DCAF10: variants seen among roughly 807,000 people sequenced by gnomAD.
DCAF10 encodes DDB1- and CUL4-associated factor 10.
Under a neutral mutation model 51.9 loss-of-function variants are expected in DCAF10, and 19 were observed. The observed-to-expected ratio is 0.37, with a 90% CI of 0.26 to 0.54. The LOEUF is 0.54. DCAF10 is among the 20% of genes least tolerant of loss of function. The pLI, the probability that DCAF10 is intolerant of heterozygous loss-of-function variation, is 0.87. For synonymous variants in DCAF10, 291 were observed against 297.1 expected (o/e 0.98, Z 0.21); for missense variants, 510 against 730.6 (o/e 0.70, Z 3.48).
chr9:37,815,769 T>C (rs1438817406), intron 1 of DCAF10, among the ~76,000 whole-genome samples: 1 of 152,220 alleles, frequency 6.6e-6, no homozygotes, highest in Non-Finnish European at 1.5e-5. Flanking sequence ...AAAAATCAGT[T>C]ACATTTCTGT....
intron 2 of DCAF10, among the ~76,000 whole-genome samples, chr9:37,821,408 G>A (rs1403738199): frequency 6.6e-6 from 1 of 152,178 alleles, no homozygotes; most frequent in Non-Finnish European, 1.5e-5. Context: ...ACAAGAAGAA[G>A]TCAATGTAGT....
At chr9:37,843,030 G>GT (rs1830378832) in intron 3 of DCAF10, among the ~76,000 whole-genome samples, 1 of 152,120 alleles carries the variant, frequency 6.6e-6, no homozygotes, top group South Asian at 2.1e-4. Flanking sequence ...TTTTGTTGTT[G>GT]TTTTTGAGAC....
Position 37,801,231 on chromosome 9 carries a change from G to C in DCAF10, c.365G>C (p.Arg122Thr). 9 of 1,576,086 alleles carry C rather than the reference G, an allele frequency of 5.7e-6. No individual in the cohort carries two copies. The highest frequency in any genetic ancestry group is 6.9e-6 in the Non-Finnish European group (8 of 1,164,032). ...GCGGGCCTGGGCGGCCCTGGCGCTA[G>C]GCTGTTCGGGTGGCTGAAAGAGCGC... ...LGAGLGGPGA[R>T]LFGWLKERSL... is the part of the protein sequence containing the mutation. Residue 122 changes from arginine (R) to threonine (T), a missense_variant, in exon 1 of 7, where the codon AGG becomes ACG. Transcript: ENST00000377724. This position sits in a 1 kb window ranked among gnomAD's most constrained non-coding sequence, Gnocchi z 5.5.
rs970240544 is a variant in DCAF10, at chr9:37,863,969, C to A, written c.*2461C>A. 2 of 152,120 alleles carry A rather than the reference C, an allele frequency of 1.3e-5. No homozygotes were observed. Among genetic ancestry groups the A allele is most frequent in the South Asian group, 2.1e-4 (1 of 4,824 alleles). The allele number at this position is 152,120 out of a possible 1,614,324, so 9.4% of individuals were successfully genotyped here. A position where few individuals can be genotyped will look rare whatever the true frequency, so the allele number is the denominator to read the frequency against. On this transcript the variant is annotated 3_prime_UTR_variant, in exon 7 of 7. Transcript: ENST00000377724. ...ACAGTAAATACATATACTTACCATA[C>A]ATTTTGTAAAAAACACATTTTTTAA...
At chr9:37,826,353 A>G (rs1462182891) in intron 2 of DCAF10, among the ~76,000 whole-genome samples, 4 of 152,242 alleles carry the variant, frequency 2.6e-5, no homozygotes, top group Admixed American at 2.6e-4. Flanking sequence ...GGCACTTTAC[A>G]TCTACTGGAC....
chr9:37,833,111 C>G (rs1474743928), intron 2 of DCAF10, among the ~76,000 whole-genome samples: 2 of 152,168 alleles, frequency 1.3e-5, no homozygotes, highest in Non-Finnish European at 2.9e-5. Context: ...AGCAATCCAC[C>G]TCGCTCAAAG....
chr9:37,848,282 G>T (rs12352792), intron 3 of DCAF10, among the ~76,000 whole-genome samples: 4,471 of 152,288 alleles, frequency 0.029, 217 homozygotes, highest in African/African-American at 0.1. Context: ...AATATTTATA[G>T]TAGCACTCAT....
upstream of DCAF10, chr9:37,800,629 T>TGCTCAGTC (rs1828886319): frequency 6.5e-7 from 1 of 1,536,110 alleles, no homozygotes; most frequent in Non-Finnish European, 8.7e-7. Context: ...GGTGCCCAGA[T>TGCTCAGTC]GCTCAGTCGC....
chr9:37,837,857 AAAG>A (rs1830217646), intron 2 of DCAF10, among the ~76,000 whole-genome samples: 2 of 151,860 alleles, frequency 1.3e-5, no homozygotes, highest in Non-Finnish European at 1.5e-5. Flanking sequence ...AAAAAAAAAA[AAAG>A]AATTAAAATT....
chr9:37,857,942 G>A (rs1447346754), intron 5 of DCAF10, among the ~76,000 whole-genome samples: 1 of 152,050 alleles, frequency 6.6e-6, no homozygotes, highest in African/African-American at 2.4e-5. Flanking sequence ...TCCACATACT[G>A]TTCCTCTTCA....
At chr9:37,839,500 A>G (rs1441481445) in intron 2 of DCAF10, among the ~76,000 whole-genome samples, 1 of 152,194 alleles carries the variant, frequency 6.6e-6, no homozygotes, top group African/African-American at 2.4e-5. Flanking sequence ...TTGGCCTTCC[A>G]AAATGTTGGG....
At chr9:37,823,099 A>C (rs1829754109) in intron 2 of DCAF10, among the ~76,000 whole-genome samples, 1 of 152,216 alleles carries the variant, frequency 6.6e-6, no homozygotes, top group Non-Finnish European at 1.5e-5. Context: ...CACACAGAAC[A>C]CATAAAAAAG....
At position 37,861,264 on chromosome 9, in the gene DCAF10, G is replaced by C; in HGVS notation, c.1436G>C (p.Cys479Ser). ...GGCAGGGGTTACATCAAAGAACTTT[G>C]CTTCAGCCCCGATGGACGAATGATT... ...NVGRGYIKEL[C>S]FSPDGRMISS... Residue 479 changes from cysteine (C) to serine (S), a missense_variant, in exon 7 of 7, where the codon TGC becomes TCC. Physicochemically the swap from Cys to Ser is moderately radical, Grantham distance 112 (BLOSUM62 -1). This residue lies in a region of DCAF10 where 104 missense variants were observed against 206.2 expected (regional missense o/e 0.50). Transcript: ENST00000377724. The surrounding 1 kb of genome is among the most constrained non-coding windows in gnomAD (Gnocchi z 4.9). The C allele has an allele frequency of 6.2e-7, 1 of 1,614,166 alleles. No homozygotes were observed. The highest frequency in any genetic ancestry group is 8.5e-7 in the Non-Finnish European group (1 of 1,180,028).
intron 5 of DCAF10, 39 bp from the exon 6 acceptor site, chr9:37,860,009 A>G (rs776507222): frequency 6.2e-7 from 1 of 1,610,190 alleles, no homozygotes. Flanking sequence ...TAGTTTTTTG[A>G]TAATACAAAT....
intron 1 of DCAF10, among the ~76,000 whole-genome samples, chr9:37,811,567 C>G (rs1829349679): frequency 6.6e-6 from 1 of 151,676 alleles, no homozygotes; most frequent in African/African-American, 2.4e-5. Flanking sequence ...AAAAGAAAAC[C>G]CTAGAACTAA....
At chr9:37,849,044 A>G (rs1361975105) in intron 3 of DCAF10, among the ~76,000 whole-genome samples, 1 of 152,110 alleles carries the variant, frequency 6.6e-6, no homozygotes, top group African/African-American at 2.4e-5. Flanking sequence ...TTATACCTCA[A>G]TGAAACTCCT....
intron 3 of DCAF10, among the ~76,000 whole-genome samples, chr9:37,844,832 A>G (rs921995191): frequency 2.0e-5 from 3 of 152,092 alleles, no homozygotes; most frequent in African/African-American, 7.2e-5. Context: ...AAAAATAACA[A>G]CAACAACAAA....
chr9:37,810,754 G>A (rs1230505236), intron 1 of DCAF10, among the ~76,000 whole-genome samples: 4 of 152,206 alleles, frequency 2.6e-5, no homozygotes, highest in African/African-American at 7.2e-5. Flanking sequence ...GAGCCACTGC[G>A]CCTGGCCTCT....
chr9:37,854,963 A>G lies in DCAF10; in HGVS notation c.1035A>G (p.Arg345=). The change falls in exon 4 of 7, where the codon AGA becomes AGG. Residue 345 remains arginine, a synonymous_variant. Coordinates refer to ENST00000377724, the MANE Select transcript of DCAF10 (RefSeq NM_024345.5). ...GCAGCTATCCCATTTTAAGAGCAAG[A>G]AGAACTACTTCAAGTTCAGGTAAGC... is the stretch of plus-strand genomic sequence containing the variant. ...EVGSYPILRA[R]RTTSSSDLTT... 6.2e-7 allele frequency: 1 copy of G among 1,610,222 alleles called. No homozygotes were observed. Among genetic ancestry groups the G allele is most frequent in the Non-Finnish European group, 8.5e-7 (1 of 1,179,098 alleles).
Sources: gnomAD v4.1 joint callset for allele counts (sites outside exome capture counted in the v4.1 genomes callset) on GRCh38, gnomAD v4.1.1 for gene constraint, gnomAD v4.1.1 regional missense constraint, Gnocchi (gnomAD v3.1) non-coding constraint, MANE v1.5 for transcripts, NCBI Gene and HGNC (gene_info 2026-07-23, HGNC 2026-07-21) for gene names.